ALK: variants seen among roughly 807,000 people sequenced by gnomAD.
The protein encoded by ALK is ALK receptor tyrosine kinase.
Under a neutral mutation model 163.1 loss-of-function variants are expected in ALK, and 74 were observed. The observed-to-expected ratio is 0.45, with a 90% CI of 0.38 to 0.55. The LOEUF (loss-of-function observed/expected upper bound fraction) is 0.55. ALK is among the 20% of genes least tolerant of loss of function. The pLI, the probability that ALK is intolerant of heterozygous loss-of-function variation, is 0.00. For missense variants in ALK, 2,063 were observed against 2,105.3 expected (o/e 0.98, Z 0.39); for synonymous variants, 960 against 843.2 (o/e 1.14, Z -2.40).
intron 1 of ALK, among the ~76,000 whole-genome samples, chr2:29,870,432 G>C (rs1231955624): frequency 6.6e-6 from 1 of 152,066 alleles, no homozygotes; most frequent in Non-Finnish European, 1.5e-5. Flanking sequence ...ACTATCATGA[G>C]AACAGCAAGG....
chr2:29,321,729 C>G (rs1425267940), intron 6 of ALK, among the ~76,000 whole-genome samples: 1 of 152,058 alleles, frequency 6.6e-6, no homozygotes, highest in African/African-American at 2.4e-5. Flanking sequence ...TGGACGGGTA[C>G]TGTAAATGTT....
intron 1 of ALK, among the ~76,000 whole-genome samples, chr2:29,911,302 G>T (rs1374770566): frequency 6.6e-6 from 1 of 152,186 alleles, no homozygotes; most frequent in Non-Finnish European, 1.5e-5. Context: ...CCCTTCAGTA[G>T]AGCCAGCATA....
At position 29,494,842 on chromosome 2, in the gene ALK, T is replaced by TTGTG. The variant is rs1461019463; in HGVS notation, c.1154+37072_1154+37073insCACA. On this transcript the variant is annotated intron_variant, in intron 4 of 28. Transcript: ENST00000389048. ...GAGAAGCTCAAAGCTCTTTAGAGAC[T>TTGTG]CGTGTGTGTGTGTGTGTGTGTGTGT... 2.2e-3 allele frequency among the ~76,000 whole-genome samples: 176 copies of TTGTG among 80,938 alleles called. 1 individual carries two copies. Among genetic ancestry groups the TTGTG allele is most frequent in the African/African-American group, 9.2e-3 (173 of 18,906 alleles). The allele number at this position is 80,938 out of a possible 152,430, so 53.1% of individuals were successfully genotyped here. A position where few individuals can be genotyped will look rare whatever the true frequency, so the allele number is the denominator to read the frequency against.
chr2:29,750,085 C>T lies in ALK; in HGVS notation c.668-32388G>A, dbSNP rs1216977707. Among the ~76,000 whole-genome samples the T allele has an allele frequency of 3.9e-5, 6 of 152,308 alleles. No individual in the cohort carries two copies. In the South Asian group the frequency reaches 6.2e-4, roughly 16 times the overall value. On this transcript the variant is annotated intron_variant, in intron 1 of 28. Coordinates refer to ENST00000389048, the MANE Select transcript of ALK (RefSeq NM_004304.5). ...AGCTGCCCCAGACAGACAGCACATC[C>T]GCCGAGGGCATGATTGCATGGGACT... is the stretch of plus-strand genomic sequence containing the variant.
At chr2:29,382,493 T>G (rs886923046) in intron 5 of ALK, among the ~76,000 whole-genome samples, 1 of 152,214 alleles carries the variant, frequency 6.6e-6, no homozygotes, top group Non-Finnish European at 1.5e-5. Flanking sequence ...TCTGGACTTT[T>G]GCAGTTTCTT....
At chr2:29,707,517 G>A (rs1372565981) in intron 2 of ALK, among the ~76,000 whole-genome samples, 1 of 152,186 alleles carries the variant, frequency 6.6e-6, no homozygotes, top group Non-Finnish European at 1.5e-5. Flanking sequence ...CTTGAAGGAT[G>A]AAACAATTTG....
chr2:29,683,081 T>C (rs1372538052), intron 3 of ALK, among the ~76,000 whole-genome samples: 3 of 152,112 alleles, frequency 2.0e-5, no homozygotes, highest in Admixed American at 2.0e-4. Flanking sequence ...ACAGGTACTT[T>C]GATCAAGCAT....
At chr2:29,459,528 A>G in intron 4 of ALK, among the ~76,000 whole-genome samples, 1 of 151,996 alleles carries the variant, frequency 6.6e-6, no homozygotes, top group Non-Finnish European at 1.5e-5. Context: ...ATTTTTGGCA[A>G]CTGATTGGCT....
chr2:29,493,371 A>G (rs549565163), intron 4 of ALK, among the ~76,000 whole-genome samples: 6 of 152,300 alleles, frequency 3.9e-5, no homozygotes, highest in African/African-American at 1.4e-4. Flanking sequence ...AACTCAGCCA[A>G]GGCCAAAGGC....
intron 3 of ALK, among the ~76,000 whole-genome samples, chr2:29,673,740 T>C (rs955111831): frequency 6.7e-6 from 1 of 149,904 alleles, no homozygotes; most frequent in Non-Finnish European, 1.5e-5. Flanking sequence ...TTGATGGGGA[T>C]GGCATTGAAT....
At chr2:29,749,221 A>G (rs1306561625) in intron 1 of ALK, among the ~76,000 whole-genome samples, 1 of 152,190 alleles carries the variant, frequency 6.6e-6, no homozygotes, top group Non-Finnish European at 1.5e-5. Flanking sequence ...TCTGGGGTGG[A>G]GCCCAAGAAT....
At chr2:29,315,040 A>G (rs1666794112) in intron 8 of ALK, among the ~76,000 whole-genome samples, 1 of 152,228 alleles carries the variant, frequency 6.6e-6, no homozygotes, top group African/African-American at 2.4e-5. Context: ...AAATAAAAAT[A>G]AAAATAACAT....
chr2:29,635,005 GC>G (rs766525350), intron 3 of ALK, among the ~76,000 whole-genome samples: 9 of 152,006 alleles, frequency 5.9e-5, no homozygotes, highest in Non-Finnish European at 1.0e-4. Context: ...GAACACCCAG[GC>G]ATCAAAATTA....
intron 3 of ALK, among the ~76,000 whole-genome samples, chr2:29,667,257 T>G (rs1400618368): frequency 6.6e-6 from 1 of 152,100 alleles, no homozygotes; most frequent in Non-Finnish European, 1.5e-5. Context: ...GGAAACTTCT[T>G]ACTGTTCTCC....
At chr2:29,875,589 C>T (rs1666683190) in intron 1 of ALK, among the ~76,000 whole-genome samples, 1 of 152,098 alleles carries the variant, frequency 6.6e-6, no homozygotes, top group Non-Finnish European at 1.5e-5. Context: ...TCCTTGTCCC[C>T]TACCCCCGAC....
chr2:29,718,265 A>G (rs986125269), intron 1 of ALK, among the ~76,000 whole-genome samples: 3 of 152,212 alleles, frequency 2.0e-5, no homozygotes, highest in African/African-American at 7.2e-5. Flanking sequence ...CAAAAGGATT[A>G]ATGTTTCTGA....
chr2:29,458,151 C>G (rs1386241599), intron 4 of ALK, among the ~76,000 whole-genome samples: 4 of 152,148 alleles, frequency 2.6e-5, no homozygotes, highest in Non-Finnish European at 4.4e-5. Context: ...TACATACATG[C>G]ACACATACAT....
intron 9 of ALK, among the ~76,000 whole-genome samples, chr2:29,283,443 C>T (rs1434249610): frequency 6.6e-6 from 1 of 152,170 alleles, no homozygotes; most frequent in East Asian, 1.9e-4. Flanking sequence ...CCTCTGTCCT[C>T]TGTTGCTGTG....
At chr2:29,691,947 C>T (rs1678410803) in intron 3 of ALK, among the ~76,000 whole-genome samples, 1 of 152,118 alleles carries the variant, frequency 6.6e-6, no homozygotes. Flanking sequence ...AGTTCCACTC[C>T]TGGAATATAA....
Sources: allele counts gnomAD v4.1 joint callset (sites outside exome capture counted in the v4.1 genomes callset), GRCh38; gene constraint gnomAD v4.1.1; transcripts MANE v1.5; gene names NCBI Gene and HGNC (gene_info 2026-07-23, HGNC 2026-07-21).